Variants in WWOX observed in about 807,000 individuals in gnomAD.
WWOX encodes WW domain-containing oxidoreductase.
In WWOX, 69 loss-of-function variants were observed where a neutral mutation model predicts 46.2. The ratio of observed to expected loss-of-function variants is 1.49; its 90% CI spans 1.23 to 1.82. The LOEUF (loss-of-function observed/expected upper bound fraction) is 1.82. Ranked by LOEUF, WWOX falls within the 40% of genes most tolerant of loss-of-function variation. The pLI is 0.00. For missense variants in WWOX, 919 were observed against 542.6 expected (o/e 1.69, Z -6.89); for synonymous variants, 359 against 202.6 (o/e 1.77, Z -6.56).
chr16:78,810,233 T>C (rs1025717629), intron 8 of WWOX, among the ~76,000 whole-genome samples: 1 of 152,194 alleles, frequency 6.6e-6, no homozygotes, highest in Admixed American at 6.5e-5. Flanking sequence ...AACATTTCTA[T>C]CAGAACACAG....
intron 8 of WWOX, among the ~76,000 whole-genome samples, chr16:78,441,317 G>A (rs770405479): frequency 7.9e-5 from 12 of 152,150 alleles, no homozygotes; most frequent in Non-Finnish European, 1.8e-4. Flanking sequence ...TAAATGTTCT[G>A]TAAATGTTTG....
At chr16:78,624,064 A>G (rs1247905095) in intron 8 of WWOX, among the ~76,000 whole-genome samples, 2 of 152,204 alleles carry the variant, frequency 1.3e-5, no homozygotes, top group Non-Finnish European at 2.9e-5. Context: ...AGAATTCAAT[A>G]TATGTCCTGC....
chr16:78,787,118 A>G (rs2050476820), intron 8 of WWOX, among the ~76,000 whole-genome samples: 1 of 152,246 alleles, frequency 6.6e-6, no homozygotes, highest in Non-Finnish European at 1.5e-5. Context: ...ACTGGACTCC[A>G]GCCTGGGCGA....
At chr16:78,558,171 C>T (rs1433946888) in intron 8 of WWOX, among the ~76,000 whole-genome samples, 2 of 152,150 alleles carry the variant, frequency 1.3e-5, no homozygotes, top group Admixed American at 1.3e-4. Flanking sequence ...GCTGCCACCA[C>T]CGCCTTCCCG....
intron 5 of WWOX, among the ~76,000 whole-genome samples, chr16:78,330,109 A>T (rs7191398): frequency 0.079 from 12,069 of 152,084 alleles, 767 homozygotes; most frequent in African/African-American, 0.17. Context: ...TTAACGCGTA[A>T]ATGTTTAAAA....
chr16:79,008,251 T>A (rs1434924194), intron 8 of WWOX, among the ~76,000 whole-genome samples: 2 of 152,332 alleles, frequency 1.3e-5, no homozygotes, highest in East Asian at 3.9e-4. Context: ...GACTGTTGGC[T>A]TCTTCAAGAC....
At chr16:79,070,650 G>T (rs1230364088) in intron 8 of WWOX, among the ~76,000 whole-genome samples, 1 of 152,192 alleles carries the variant, frequency 6.6e-6, no homozygotes, top group Non-Finnish European at 1.5e-5. Flanking sequence ...TTCAGGGCGT[G>T]AGAGGGTATG....
intron 8 of WWOX, among the ~76,000 whole-genome samples, chr16:79,027,425 G>T (rs1471355402): frequency 6.6e-6 from 1 of 151,590 alleles, no homozygotes; most frequent in Non-Finnish European, 1.5e-5. Context: ...AAGCTATCCT[G>T]GGCCTCCCTG....
intron 4 of WWOX, among the ~76,000 whole-genome samples, chr16:78,143,556 A>C (rs2034061520): frequency 6.6e-6 from 1 of 152,196 alleles, no homozygotes; most frequent in African/African-American, 2.4e-5. Flanking sequence ...AGTAGCTGTG[A>C]GACCCTATGG....
chr16:78,777,885 A>G (rs2050230845), intron 8 of WWOX, among the ~76,000 whole-genome samples: 1 of 151,976 alleles, frequency 6.6e-6, no homozygotes, highest in South Asian at 2.1e-4. Flanking sequence ...TCTGTACAAA[A>G]AATATAAAAA....
chr16:78,545,206 C>A lies in WWOX; in HGVS notation c.1056+112454C>A, dbSNP rs186043488. ...TACCACTGTGGCCAGGGAGTGACTG[C>A]AAGGGTCAAAACTTTTGTTGGGGAG... On this transcript the variant is annotated intron_variant, in intron 8 of 8. Coordinates refer to ENST00000566780, the MANE Select transcript of WWOX (RefSeq NM_016373.4). 2.4e-3 allele frequency among the ~76,000 whole-genome samples: 369 copies of A among 152,214 alleles called. 1 individual carries two copies. The highest frequency in any genetic ancestry group is 8.5e-3 in the African/African-American group (351 of 41,530).
chr16:78,591,385 A>G (rs1000559314), intron 8 of WWOX, among the ~76,000 whole-genome samples: 2 of 152,182 alleles, frequency 1.3e-5, no homozygotes, highest in African/African-American at 4.8e-5. Flanking sequence ...GCCATGGAAG[A>G]GTAACAGCCC....
At chr16:78,972,902 T>A (rs768535548) in intron 8 of WWOX, among the ~76,000 whole-genome samples, 7 of 152,218 alleles carry the variant, frequency 4.6e-5, no homozygotes, top group Non-Finnish European at 1.0e-4. Flanking sequence ...TGTCATTTTA[T>A]TAGCGCTGGA....
intron 8 of WWOX, among the ~76,000 whole-genome samples, chr16:78,805,441 A>G (rs1193402705): frequency 7.0e-6 from 1 of 143,376 alleles, no homozygotes; most frequent in African/African-American, 2.7e-5. Flanking sequence ...TTTTTTTTGT[A>G]TTGTTTGTAT....
chr16:78,622,118 T>C (rs866078061), intron 8 of WWOX, among the ~76,000 whole-genome samples: 12 of 152,192 alleles, frequency 7.9e-5, no homozygotes, highest in Admixed American at 2.0e-4. Context: ...CAGATAATTT[T>C]AGTAAAACCT....
chr16:78,979,274 A>G (rs544571573), intron 8 of WWOX, among the ~76,000 whole-genome samples: 4 of 152,280 alleles, frequency 2.6e-5, no homozygotes, highest in Non-Finnish European at 4.4e-5. Flanking sequence ...CCTCCCAGAG[A>G]TAACGCCTGT....
intron 8 of WWOX, among the ~76,000 whole-genome samples, chr16:79,056,559 T>C (rs2048266146): frequency 6.6e-6 from 1 of 152,194 alleles, no homozygotes; most frequent in Non-Finnish European, 1.5e-5. Flanking sequence ...GATAATTTTT[T>C]GTTGGGATCT....
intron 8 of WWOX, among the ~76,000 whole-genome samples, chr16:78,877,717 A>C (rs1320149486): frequency 6.6e-6 from 1 of 152,182 alleles, no homozygotes; most frequent in African/African-American, 2.4e-5. Context: ...TCTTTTGCTC[A>C]CTATTGTACT....
intron 5 of WWOX, among the ~76,000 whole-genome samples, chr16:78,370,884 A>G (rs1055139306): frequency 4.0e-5 from 6 of 149,782 alleles, no homozygotes; most frequent in South Asian, 4.2e-4. Flanking sequence ...ATTGAGATGC[A>G]TACAAAATGG....
Sources: allele counts gnomAD v4.1 joint callset (sites outside exome capture counted in the v4.1 genomes callset), GRCh38; gene constraint gnomAD v4.1.1; transcripts MANE v1.5; gene names NCBI Gene and HGNC (gene_info 2026-07-23, HGNC 2026-07-21).